SCN11A: variants seen among roughly 807,000 people sequenced by gnomAD.
SCN11A encodes sodium channel protein type 11 subunit alpha.
In SCN11A, 122 loss-of-function variants were observed where a neutral mutation model predicts 162.2. The ratio of observed to expected loss-of-function variants is 0.75; its 90% CI spans 0.65 to 0.87. SCN11A has a LOEUF of 0.87. Ranked by LOEUF, SCN11A falls within the 40% of genes least tolerant of loss-of-function variation. The pLI is 0.00. For missense variants in SCN11A, 2,015 were observed against 2,181.6 expected, an observed-to-expected ratio of 0.92 and a Z score of 1.52; for synonymous variants, 758 against 751.5, an observed-to-expected ratio of 1.01 and a Z score of -0.14.
intron 7 of SCN11A, among the ~76,000 whole-genome samples, chr3:38,941,279 G>A (rs2066438716): frequency 1.3e-5 from 2 of 152,150 alleles, no homozygotes; most frequent in African/African-American, 4.8e-5. Context: ...AAAACAAATT[G>A]TCAAGCACTG....
rs147592078 is a variant in SCN11A at position 38,880,453 on chromosome 3, T to C, written c.3220-330A>G. Among the ~76,000 whole-genome samples, 1,294 of 152,290 alleles carry C rather than the reference T, an allele frequency of 8.5e-3. 8 individuals are homozygous for C. Among genetic ancestry groups the C allele is most frequent in the Non-Finnish European group, 0.015 (989 of 68,020 alleles). On this transcript the variant is annotated intron_variant, in intron 22 of 29. Transcript: ENST00000302328. Reference sequence around the variant, plus strand: ...TCATCTTTTCAACTCCTGCCAAATATGTCTTGCCAACATTCCCAGGACCAC... The same window carrying C: ...TCATCTTTTCAACTCCTGCCAAATACGTCTTGCCAACATTCCCAGGACCAC...
intron 3 of SCN11A, among the ~76,000 whole-genome samples, chr3:38,955,782 C>T (rs188426844): frequency 1.3e-5 from 2 of 152,178 alleles, no homozygotes; most frequent in East Asian, 1.9e-4. Context: ...AGTATATACT[C>T]CCAAACAATG....
rs865937367 is a variant in SCN11A at position 38,867,427 on chromosome 3, G to C, written c.3845C>G (p.Ser1282Ter). 1 of 1,612,592 alleles carries C rather than the reference G, an allele frequency of 6.2e-7. No homozygotes were observed. ...GACTACGAAGTAAATGTAACCGAGT[G>C]AATTGCTCTCAAACTCTGGCTGTTG... The part of the protein sequence containing the change: ...KEQQPEFESN[S>*]LGYIYFVVFI... The change falls in exon 27 of 30, where the codon TCA becomes TGA. Residue 1282 changes from serine to a stop codon, truncating the protein, a stop_gained. Coordinates refer to ENST00000302328, the MANE Select transcript of SCN11A (RefSeq NM_001349253.2). LOFTEE classifies it high-confidence loss of function.
chr3:39,023,784 A>G (rs1197181061), intron 2 of SCN11A, among the ~76,000 whole-genome samples: 1 of 152,086 alleles, frequency 6.6e-6, no homozygotes, highest in African/African-American at 2.4e-5. Flanking sequence ...CTGGGACTAC[A>G]GGCACCTGCC....
intron 2 of SCN11A, among the ~76,000 whole-genome samples, chr3:38,964,701 A>G (rs1048043938): frequency 2.0e-5 from 3 of 152,248 alleles, no homozygotes; most frequent in Non-Finnish European, 4.4e-5. Flanking sequence ...AAGCATGTGT[A>G]GACAACCTCT....
chr3:38,922,982 T>C (rs555906175), intron 9 of SCN11A, among the ~76,000 whole-genome samples: 1 of 151,956 alleles, frequency 6.6e-6, no homozygotes, highest in African/African-American at 2.4e-5. Flanking sequence ...TAATAAACTG[T>C]TTTGTTTGTT....
chr3:38,925,276 T>G (rs530883322), intron 9 of SCN11A, 139 bp downstream of exon 9: 3 of 642,934 alleles, frequency 4.7e-6, no homozygotes, highest in African/African-American at 1.8e-5. Flanking sequence ...GCTCAATAAT[T>G]ATCAGTTGGA....
chr3:38,847,808 C>A, intron 29 of SCN11A, 66 bp from the exon 30 acceptor site: 5 of 1,026,058 alleles, frequency 4.9e-6, no homozygotes, highest in Non-Finnish European at 5.6e-6. Flanking sequence ...CAGCCTGTCT[C>A]CTGCCTCAGA....
At chr3:38,990,288 TCA>T (rs1381079237) in intron 2 of SCN11A, among the ~76,000 whole-genome samples, 1 of 152,126 alleles carries the variant, frequency 6.6e-6, no homozygotes, top group African/African-American at 2.4e-5. Context: ...CTGCTGCATC[TCA>T]CTCACCTCTG....
At chr3:38,859,955 G>GT (rs2064936324) in intron 28 of SCN11A, among the ~76,000 whole-genome samples, 1 of 152,130 alleles carries the variant, frequency 6.6e-6, no homozygotes, top group Non-Finnish European at 1.5e-5. Flanking sequence ...GATAACATCA[G>GT]TACAGTACTG....
chr3:38,922,963 G>A (rs1219154592), intron 9 of SCN11A, among the ~76,000 whole-genome samples: 1 of 152,192 alleles, frequency 6.6e-6, no homozygotes, highest in Non-Finnish European at 1.5e-5. Context: ...GGAGTCCAGA[G>A]AGGGAAGATA....
chr3:38,886,164 A>G lies in SCN11A; in HGVS notation c.2910T>C (p.Ser970=), dbSNP rs1466073421. 1.7e-5 allele frequency: 28 copies of G among 1,613,030 alleles called. No individual in the cohort carries two copies. The highest frequency in any genetic ancestry group is 2.4e-5 in the Non-Finnish European group (28 of 1,179,816). ...GTATGGTCAGATGAGGCTCATCTTCAGAGAACATGTCAATTTCCACACTTT... is the reference window on the plus strand; with the variant it reads ...GTATGGTCAGATGAGGCTCATCTTCGGAGAACATGTCAATTTCCACACTTT... ...RVQSVEIDMF[S]EDEPHLTIQD... is the part of the protein sequence containing the mutation. The change falls in exon 20 of 30, where the codon TCT becomes TCC. Residue 970 remains serine, a synonymous_variant. Transcript: ENST00000302328.
intron 1 of SCN11A, among the ~76,000 whole-genome samples, chr3:39,041,259 G>C (rs766869644): frequency 6.6e-6 from 1 of 152,110 alleles, no homozygotes; most frequent in Non-Finnish European, 1.5e-5. Context: ...AAGGAAATGA[G>C]ATGAAAAAGG....
At chr3:38,910,274 C>A (rs184888373) in intron 11 of SCN11A, 67 bp from the exon 12 acceptor site, 1 of 1,518,528 alleles carries the variant, frequency 6.6e-7, no homozygotes, top group Non-Finnish European at 8.9e-7. Flanking sequence ...TTCCTTCCAA[C>A]GACTCTGGTT....
rs483352933 is a variant in SCN11A, at chr3:38,950,079, C to T, written c.267+17G>A. On this transcript the variant is annotated intron_variant, in intron 5 of 29. Transcript: ENST00000302328. ...AACACCCCCACCCCCACCCCCCCCC[C>T]CCGCCCAATGAAGTACCTTATGATT... 6.1e-6 allele frequency: 1 copy of T among 163,422 alleles called. No individual in the cohort carries two copies. Among genetic ancestry groups the T allele is most frequent in the Non-Finnish European group, 1.4e-5 (1 of 73,738 alleles). The allele number at this position is 163,422 out of a possible 1,614,324, so 10.1% of individuals were successfully genotyped here.
chr3:38,853,540 T>C (rs1255180277), intron 28 of SCN11A, among the ~76,000 whole-genome samples: 1 of 152,212 alleles, frequency 6.6e-6, no homozygotes, highest in Non-Finnish European at 1.5e-5. Context: ...ACTTTTTTAG[T>C]GCATCAAAAA....
At chr3:38,905,980 A>G (rs1351245632) in intron 14 of SCN11A, among the ~76,000 whole-genome samples, 1 of 152,148 alleles carries the variant, frequency 6.6e-6, no homozygotes, top group East Asian at 1.9e-4. Context: ...CTAGTGGCTT[A>G]TTTTCCAAGG....
At chr3:38,984,747 G>A (rs544650765) in intron 2 of SCN11A, among the ~76,000 whole-genome samples, 12 of 152,276 alleles carry the variant, frequency 7.9e-5, no homozygotes, top group Non-Finnish European at 1.5e-4. Flanking sequence ...CTGCCCTCAG[G>A]TGATCCGCCC....
chr3:38,945,218 A>G (rs2125572602), intron 7 of SCN11A, among the ~76,000 whole-genome samples, 193 bp downstream of exon 7: 1 of 152,340 alleles, frequency 6.6e-6, no homozygotes, highest in Middle Eastern at 3.4e-3. Context: ...AAAGAAAACC[A>G]CTTAAAATGT....
Sources: allele counts gnomAD v4.1 joint callset (sites outside exome capture counted in the v4.1 genomes callset), GRCh38; gene constraint gnomAD v4.1.1; transcripts MANE v1.5; gene names NCBI Gene and HGNC (gene_info 2026-07-23, HGNC 2026-07-21).